CDC73: variants seen among roughly 807,000 people sequenced by gnomAD.
The protein encoded by CDC73 is parafibromin.
A neutral mutation model predicts 83.7 loss-of-function variants in CDC73; 21 were observed. That is an observed-to-expected ratio of 0.25 (90% CI 0.18 to 0.36). The LOEUF (loss-of-function observed/expected upper bound fraction) is 0.36, where lower values mean the gene tolerates loss of function less well. CDC73 is among the 10% of genes least tolerant of loss of function. CDC73 has a pLI of 1.00. For synonymous variants in CDC73, 224 were observed against 212.9 expected (o/e 1.05, Z -0.45); for missense variants, 342 against 653.3 (o/e 0.52, Z 5.19).
At chr1:193,237,813 TCTGCGTACA>T (rs1558321779) in intron 15 of CDC73, among the ~76,000 whole-genome samples, 2 of 152,300 alleles carry the variant, frequency 1.3e-5, no homozygotes, top group South Asian at 2.1e-4. Flanking sequence ...AAAACCTGTG[TCTGCGTACA>T]TTTTCCTTCT....
chr1:193,252,447 A>G lies in CDC73; in HGVS notation c.*1735A>G, dbSNP rs1256401716. 4.4e-6 allele frequency: 1 copy of G among 229,874 alleles called. No homozygotes were observed. Among genetic ancestry groups the G allele is most frequent in the Non-Finnish European group, 8.6e-6 (1 of 116,032 alleles). 14.2% of individuals were successfully genotyped at this position (229,874 alleles called of 1,614,324 possible). ...ACAAGTCAGTATGAACTACCTTCCC[A>G]TAAAGATTTTTGGTATTTGTACTTA... On this transcript the variant is annotated 3_prime_UTR_variant, in exon 17 of 17. Transcript: ENST00000367435.
At chr1:193,188,608 T>G (rs1676864301) in intron 10 of CDC73, among the ~76,000 whole-genome samples, 1 of 152,156 alleles carries the variant, frequency 6.6e-6, no homozygotes, top group African/African-American at 2.4e-5. Context: ...GATACAAAGT[T>G]GATTTAGAGA....
At chr1:193,161,652 TA>T (rs1676314501) in intron 10 of CDC73, among the ~76,000 whole-genome samples, 2 of 72,752 alleles carry the variant, frequency 2.7e-5, no homozygotes, top group African/African-American at 5.3e-5. Context: ...ATATAATATA[TA>T]ATATATTATA....
chr1:193,224,171 A>AC (rs1677520490), intron 13 of CDC73, among the ~76,000 whole-genome samples: 1 of 151,914 alleles, frequency 6.6e-6, no homozygotes, highest in Non-Finnish European at 1.5e-5. Flanking sequence ...CTGGTCTCTG[A>AC]TAACTACCAG....
intron 10 of CDC73, chr1:193,180,195 A>G (rs1443597572): frequency 3.0e-6 from 3 of 1,009,100 alleles, no homozygotes; most frequent in Non-Finnish European, 4.1e-6. Flanking sequence ...TTATGTGATG[A>G]GTTTTAACTA....
At chr1:193,219,695 C>T (rs1231224080) in intron 13 of CDC73, among the ~76,000 whole-genome samples, 1 of 152,118 alleles carries the variant, frequency 6.6e-6, no homozygotes, top group East Asian at 1.9e-4. Flanking sequence ...ACATGTTGGA[C>T]ACAAAGAGGG....
intron 10 of CDC73, among the ~76,000 whole-genome samples, chr1:193,156,084 C>CT (rs1395712556): frequency 6.6e-6 from 1 of 152,126 alleles, no homozygotes; most frequent in Non-Finnish European, 1.5e-5. Context: ...AAGAATGTCA[C>CT]TTGATAAAGT....
Position 193,231,244 on chromosome 1 carries a change from A to G in CDC73, c.1155-1749A>G, listed in dbSNP as rs1572214224. On this transcript the variant is annotated intron_variant, in intron 13 of 16. Coordinates refer to ENST00000367435, the MANE Select transcript of CDC73 (RefSeq NM_024529.5). Reference sequence around the variant, plus strand: ...CATGTTAAAATTTCAGAAGCCAGAAAAGAGGGAGATGCAGTCTTATATTTA... The same window carrying G: ...CATGTTAAAATTTCAGAAGCCAGAAGAGAGGGAGATGCAGTCTTATATTTA... 2.0e-5 allele frequency among the ~76,000 whole-genome samples: 3 copies of G among 152,300 alleles called. No individual in the cohort carries two copies. The East Asian group carries it at 5.8e-4, about 29-fold the overall frequency.
At chr1:193,187,972 G>A (rs1487972093) in intron 10 of CDC73, among the ~76,000 whole-genome samples, 2 of 152,056 alleles carry the variant, frequency 1.3e-5, no homozygotes, top group Non-Finnish European at 2.9e-5. Flanking sequence ...ACTCACTACC[G>A]TTTTGTTTTT....
intron 3 of CDC73, among the ~76,000 whole-genome samples, chr1:193,133,590 A>C (rs934546051): frequency 6.6e-6 from 1 of 152,230 alleles, no homozygotes; most frequent in African/African-American, 2.4e-5. Flanking sequence ...TGTGAATTTA[A>C]CATATGATTA....
chr1:193,184,238 T>TA (rs1358648497), intron 10 of CDC73, among the ~76,000 whole-genome samples: 1 of 151,948 alleles, frequency 6.6e-6, no homozygotes, highest in Non-Finnish European at 1.5e-5. Flanking sequence ...GTCTAGCCTT[T>TA]AAAAAATTCC....
At chr1:193,216,294 C>T (rs191244293) in intron 13 of CDC73, among the ~76,000 whole-genome samples, 2 of 152,234 alleles carry the variant, frequency 1.3e-5, no homozygotes, top group Non-Finnish European at 2.9e-5. Flanking sequence ...ACAGAAAACC[C>T]TCAGAGACTA....
chr1:193,162,154 CTATTATATTGTATATAATATATATT>C (rs1558293459), intron 10 of CDC73, among the ~76,000 whole-genome samples: 2 of 12,234 alleles, frequency 1.6e-4, no homozygotes, highest in African/African-American at 5.6e-4. Context: ...TATATATTAT[CTATTATATTGTATATAATATATATT>C]ATATATTATC....
intron 10 of CDC73, chr1:193,186,380 G>A (rs756068310): frequency 6.6e-6 from 1 of 152,416 alleles, no homozygotes; most frequent in African/African-American, 2.4e-5. Flanking sequence ...GCAGTGCTGT[G>A]TTCTCGTCTC....
At chr1:193,224,429 T>C (rs1425288298) in intron 13 of CDC73, among the ~76,000 whole-genome samples, 1 of 152,076 alleles carries the variant, frequency 6.6e-6, no homozygotes, top group African/African-American at 2.4e-5. Flanking sequence ...TGCATTCACA[T>C]ATACACATAT....
At chr1:193,224,531 T>A (rs1677530879) in intron 13 of CDC73, among the ~76,000 whole-genome samples, 1 of 151,998 alleles carries the variant, frequency 6.6e-6, no homozygotes, top group Non-Finnish European at 1.5e-5. Flanking sequence ...ATATATGAAA[T>A]ATGCATTCAC....
At chr1:193,238,440 C>T (rs980197191) in intron 15 of CDC73, among the ~76,000 whole-genome samples, 1 of 152,158 alleles carries the variant, frequency 6.6e-6, no homozygotes, top group Admixed American at 6.5e-5. Flanking sequence ...ACCAGTGACT[C>T]AAATATTGGA....
chr1:193,157,807 G>C (rs964668830), intron 10 of CDC73, among the ~76,000 whole-genome samples: 2 of 152,118 alleles, frequency 1.3e-5, no homozygotes, highest in Non-Finnish European at 2.9e-5. Context: ...AGTCAGTGCT[G>C]GCTTTGATTT....
Position 193,129,024 on chromosome 1 carries a change from G to A in CDC73, c.238-1150G>A, listed in dbSNP as rs1377151409. 3.7e-5 allele frequency among the ~76,000 whole-genome samples: 5 copies of A among 135,602 alleles called. 1 individual carries two copies. In the South Asian group the frequency reaches 6.9e-4, roughly 19 times the overall value. 89.0% of individuals were successfully genotyped at this position (135,602 alleles called of 152,430 possible). A position where few individuals can be genotyped will look rare whatever the true frequency, so the allele number is the denominator to read the frequency against. ...TTTTTTTTTTTTTTTTTGAGACAGT[G>A]TCTCACTCTGTCACCCAGGCTGGAG... is the stretch of plus-strand genomic sequence containing the variant. On this transcript the variant is annotated intron_variant, in intron 2 of 16. Coordinates refer to ENST00000367435, the MANE Select transcript of CDC73 (RefSeq NM_024529.5).
Sources: gnomAD v4.1 joint callset for allele counts (sites outside exome capture counted in the v4.1 genomes callset) on GRCh38, gnomAD v4.1.1 for gene constraint, MANE v1.5 for transcripts, NCBI Gene and HGNC (gene_info 2026-07-23, HGNC 2026-07-21) for gene names.